LARP1B: variants seen among roughly 807,000 people sequenced by gnomAD.
The protein encoded by LARP1B is la-related protein 1B.
Under a neutral mutation model 114.2 loss-of-function variants are expected in LARP1B, and 76 were observed. The ratio of observed to expected loss-of-function variants is 0.67; its 90% CI spans 0.55 to 0.81. The LOEUF is 0.81. Among genes scored for constraint, LARP1B ranks in the 30% least tolerant of loss-of-function variants. The probability of loss-of-function intolerance (pLI) is 0.00; values close to 1 mark genes in which losing one functional copy is unlikely to be tolerated. For missense variants in LARP1B, 1,014 were observed against 1,075.8 expected, an observed-to-expected ratio of 0.94 and a Z score of 0.80; for synonymous variants, 345 against 348.0, an observed-to-expected ratio of 0.99 and a Z score of 0.10.
At position 128,114,634 on chromosome 4, in the gene LARP1B, T is replaced by C. The variant is rs61742638; in HGVS notation, c.1053T>C (p.Ser351=). ...GCCCAAAGAAAAACAGTGAAACAAG[T>C]ATTCTTCAAGCAATGTCTAGAGGTT... The part of the protein sequence containing the change: ...PLSPKKNSET[S]ILQAMSRGLS... Residue 351 remains serine (S), a synonymous_variant, in exon 10 of 20, where the codon AGT becomes AGC. Transcript: ENST00000326639. The C allele has an allele frequency of 9.9e-4, 1,593 of 1,613,940 alleles. 21 individuals carry two copies. The African/African-American group carries it at 0.02, about 20-fold the overall frequency.
intron 5 of LARP1B, among the ~76,000 whole-genome samples, chr4:128,085,685 AAAT>A (rs1298345673): frequency 1.3e-5 from 2 of 152,190 alleles, no homozygotes; most frequent in East Asian, 3.8e-4. Context: ...CTTTATTGCC[AAAT>A]AATATTCTGT....
intron 12 of LARP1B, among the ~76,000 whole-genome samples, chr4:128,168,042 T>G (rs1302385651): frequency 6.6e-6 from 1 of 152,112 alleles, no homozygotes; most frequent in African/African-American, 2.4e-5. Flanking sequence ...ATAGGTTGTG[T>G]TCCTGTTTTT....
intron 17 of LARP1B, 62 bp downstream of exon 17, chr4:128,200,727 AC>A: frequency 8.2e-7 from 1 of 1,225,058 alleles, no homozygotes. Flanking sequence ...TTTTTTCTTT[AC>A]CCAGGTAGAT....
chr4:128,140,947 C>T (rs1727808424), intron 11 of LARP1B, among the ~76,000 whole-genome samples: 1 of 151,850 alleles, frequency 6.6e-6, no homozygotes, highest in South Asian at 2.1e-4. Context: ...TCCCAAGTAG[C>T]TGGGATTACA....
intron 8 of LARP1B, among the ~76,000 whole-genome samples, chr4:128,101,200 G>A (rs759163799): frequency 2.6e-5 from 4 of 151,598 alleles, no homozygotes; most frequent in Non-Finnish European, 4.4e-5. Context: ...AGGGCTGGGC[G>A]CGGTGGCTCA....
At chr4:128,195,904 C>T (rs1404541170) in intron 15 of LARP1B, among the ~76,000 whole-genome samples, 1 of 152,030 alleles carries the variant, frequency 6.6e-6, no homozygotes. Context: ...ATCAGAAAAA[C>T]AAACAAACAA....
intron 12 of LARP1B, among the ~76,000 whole-genome samples, chr4:128,169,490 A>G (rs1038543383): frequency 9.2e-5 from 14 of 151,956 alleles, no homozygotes; most frequent in Admixed American, 2.6e-4. Flanking sequence ...TAATTTTTAA[A>G]ATTTGGATAT....
intron 1 of LARP1B, among the ~76,000 whole-genome samples, chr4:128,065,847 AGATT>A (rs1220389705): frequency 1.3e-5 from 2 of 152,118 alleles, no homozygotes; most frequent in Non-Finnish European, 2.9e-5. Flanking sequence ...ATAGGTAGAT[AGATT>A]GTCAGTCTTG....
intron 1 of LARP1B, chr4:128,061,852 C>G: frequency 1.0e-6 from 1 of 984,864 alleles, no homozygotes; most frequent in Non-Finnish European, 1.2e-6. Flanking sequence ...AGGAGAGGGC[C>G]GCGGCCGCCA....
At chr4:128,178,396 C>A in intron 13 of LARP1B, 35 bp from the exon 14 acceptor site, 1 of 1,419,808 alleles carries the variant, frequency 7.0e-7, no homozygotes, top group Non-Finnish European at 9.8e-7. Flanking sequence ...ATTTTCCTAG[C>A]ATCTAAATAA....
chr4:128,124,674 T>G (rs1471589128), intron 11 of LARP1B, among the ~76,000 whole-genome samples: 1 of 152,110 alleles, frequency 6.6e-6, no homozygotes, highest in Non-Finnish European at 1.5e-5. Flanking sequence ...GGGACAAGAG[T>G]GGGCAGAAGA....
intron 11 of LARP1B, among the ~76,000 whole-genome samples, chr4:128,156,653 T>C (rs181819514): frequency 6.6e-6 from 1 of 151,804 alleles, no homozygotes; most frequent in African/African-American, 2.4e-5. Context: ...CAGCAGGTGA[T>C]TGGACCAGGC....
chr4:128,191,761 C>A (rs1315740978), intron 15 of LARP1B, among the ~76,000 whole-genome samples: 1 of 151,686 alleles, frequency 6.6e-6, no homozygotes, highest in Non-Finnish European at 1.5e-5. Flanking sequence ...TTTTTTTCTC[C>A]CTGCTAGCCC....
intron 7 of LARP1B, among the ~76,000 whole-genome samples, chr4:128,097,773 G>A (rs1778606061): frequency 6.6e-6 from 1 of 152,044 alleles, no homozygotes; most frequent in Non-Finnish European, 1.5e-5. Flanking sequence ...CTGGGAAAAA[G>A]GTGGAAGGCA....
At chr4:128,132,306 G>A (rs957521005) in intron 11 of LARP1B, among the ~76,000 whole-genome samples, 3 of 152,016 alleles carry the variant, frequency 2.0e-5, no homozygotes, top group Non-Finnish European at 2.9e-5. Context: ...GTGCAGTGGC[G>A]CGATCTTGGC....
In LARP1B at chr4:128,122,345, A is replaced by G. The variant is rs1267133684; in HGVS notation, c.1524+157A>G. On this transcript the variant is annotated intron_variant, in intron 11 of 19. Transcript: ENST00000326639. ...ATTCCTGGAAATATACCTGATAATT[A>G]CCACCTGAGGAATCGTTTTATTTTA... 8 of 1,459,258 alleles carry G rather than the reference A, an allele frequency of 5.5e-6. No individual in the cohort carries two copies. The Admixed American group carries it at 1.3e-4, about 24-fold the overall frequency. 90.4% of individuals were successfully genotyped at this position (1,459,258 alleles called of 1,614,324 possible). A position where few individuals can be genotyped will look rare whatever the true frequency, so the allele number is the denominator to read the frequency against.
chr4:128,133,142 C>T (rs1004276802), intron 11 of LARP1B, among the ~76,000 whole-genome samples: 4 of 152,158 alleles, frequency 2.6e-5, no homozygotes, highest in African/African-American at 4.8e-5. Flanking sequence ...ACCACTCAAC[C>T]GTGGTTCCTA....
At chr4:128,174,301 T>C (rs930511243) in intron 12 of LARP1B, among the ~76,000 whole-genome samples, 6 of 150,058 alleles carry the variant, frequency 4.0e-5, no homozygotes, top group Admixed American at 3.9e-4. Flanking sequence ...CCTATGCTTG[T>C]AGTTGACAAA....
In LARP1B at chr4:128,162,282, A is replaced by G; in HGVS notation, c.1613A>G (p.Gln538Arg). The G allele has an allele frequency of 1.2e-6, 2 of 1,613,318 alleles. No homozygotes were observed. The highest frequency in any genetic ancestry group is 1.7e-6 in the Non-Finnish European group (2 of 1,179,448). ...LTPELPFEPN[Q>R]EVPVAPSQSR... is the part of the protein sequence containing the mutation. ...CCTGAACTTCCTTTTGAGCCAAACC[A>G]AGAAGTTCCTGTAGCACCTTCACAG... Residue 538 changes from glutamine to arginine, a missense_variant, in exon 12 of 20, where the codon CAA becomes CGA. Gln to Arg is a conservative substitution (Grantham distance 43). Transcript: ENST00000326639.
Sources: allele counts gnomAD v4.1 joint callset (sites outside exome capture counted in the v4.1 genomes callset), GRCh38; gene constraint gnomAD v4.1.1; transcripts MANE v1.5; gene names NCBI Gene and HGNC (gene_info 2026-07-23, HGNC 2026-07-21).